MMP3: variants seen among roughly 807,000 people sequenced by gnomAD.
MMP3 encodes matrix metallopeptidase 3.
In MMP3, 46 loss-of-function variants were observed where a neutral mutation model predicts 47.3. The observed-to-expected ratio is 0.97, with a 90% CI of 0.77 to 1.24. The LOEUF is 1.24. MMP3 is among the 50% of genes most tolerant of loss of function. The probability of loss-of-function intolerance (pLI) is 0.00; values close to 1 mark genes in which losing one functional copy is unlikely to be tolerated. For synonymous variants in MMP3, 216 were observed against 206.5 expected, an observed-to-expected ratio of 1.05 and a Z score of -0.39; for missense variants, 558 against 565.5, an observed-to-expected ratio of 0.99 and a Z score of 0.13.
chr11:102,841,700 A>G (rs1555005438), intron 4 of MMP3, among the ~76,000 whole-genome samples: 1 of 147,512 alleles, frequency 6.8e-6, no homozygotes, highest in African/African-American at 2.5e-5. Context: ...TACTAAAATA[A>G]TGCCTCAGCC....
chr11:102,839,790 C>G (rs894832266), intron 6 of MMP3, among the ~76,000 whole-genome samples: 2 of 152,152 alleles, frequency 1.3e-5, no homozygotes, highest in Non-Finnish European at 2.9e-5. Flanking sequence ...AATGTTGATC[C>G]TGATGTCATT....
At position 102,837,468 on chromosome 11, in the gene MMP3, G is replaced by A; in HGVS notation, c.1230-67C>T. ...CATGTTACCGAACATCTTAGATCATGTTAGGTTTAATGTGGAATTTTACTA... is the reference window on the plus strand; with the variant it reads ...CATGTTACCGAACATCTTAGATCATATTAGGTTTAATGTGGAATTTTACTA... On this transcript the variant is annotated intron_variant, in intron 8 of 9. Coordinates refer to ENST00000299855, the MANE Select transcript of MMP3 (RefSeq NM_002422.5). The surrounding 1 kb of genome is among the most constrained non-coding windows in gnomAD (Gnocchi z 4.4). 8.5e-7 allele frequency: 1 copy of A among 1,182,238 alleles called. No individual in the cohort carries two copies. Among genetic ancestry groups the A allele is most frequent in the Admixed American group, 2.0e-5 (1 of 50,338 alleles). The allele number at this position is 1,182,238 out of a possible 1,614,324, so 73.2% of individuals were successfully genotyped here.
chr11:102,842,964 T>C, intron 1 of MMP3, 48 bp from the exon 2 acceptor site: 1 of 1,450,974 alleles, frequency 6.9e-7, no homozygotes, highest in Non-Finnish European at 9.2e-7. Context: ...ATTTTTACTA[T>C]AGCTATCTAT....
intron 1 of MMP3, 52 bp downstream of exon 1, chr11:102,843,390 T>G: frequency 1.5e-6 from 2 of 1,316,368 alleles, no homozygotes; most frequent in Non-Finnish European, 2.2e-6. Flanking sequence ...CAGAATGGTT[T>G]CAGCTTACTC....
chr11:102,838,871 A>G (rs1376254397), intron 7 of MMP3, among the ~76,000 whole-genome samples, 161 bp from the exon 8 acceptor site: 1 of 152,196 alleles, frequency 6.6e-6, no homozygotes, highest in Non-Finnish European at 1.5e-5. Context: ...AAATTTGCAG[A>G]CTGAATGAAT....
Position 102,836,561 on chromosome 11 carries a change from T to C in MMP3, c.1334-335A>G, listed in dbSNP as rs1555004596. Reference sequence around the variant, plus strand: ...CACAGCCAGATTCCAGGTTACAGGGTTATTCTGCTTCCGATCAGATAAATT... The same window carrying C: ...CACAGCCAGATTCCAGGTTACAGGGCTATTCTGCTTCCGATCAGATAAATT... On this transcript the variant is annotated intron_variant, in intron 9 of 9. Transcript: ENST00000299855. The surrounding 1 kb of genome is among the most constrained non-coding windows in gnomAD (Gnocchi z 4.6). The C allele has an allele frequency of 2.0e-6, 1 of 493,314 alleles. No homozygotes were observed. Among genetic ancestry groups the C allele is most frequent in the Non-Finnish European group, 4.1e-6 (1 of 241,886 alleles). 30.6% of individuals were successfully genotyped at this position (493,314 alleles called of 1,614,324 possible).
intron 7 of MMP3, 129 bp downstream of exon 7, chr11:102,838,981 G>T: frequency 1.0e-6 from 1 of 993,822 alleles, no homozygotes; most frequent in Non-Finnish European, 1.5e-6. Context: ...TATCAGCCCT[G>T]GTTATTTCTT....
At position 102,842,851 on chromosome 11, in the gene MMP3, A is replaced by G. The variant is rs1555005821; in HGVS notation, c.171T>C (p.Ser57=). ...DVKQFVRRKD[S]GPVVKKIREM... ...CTCGGATTTTTTTAACAACAGGACCACTGTCCTTTCTCCTAACAAACTGTT... is the reference window on the plus strand; with the variant it reads ...CTCGGATTTTTTTAACAACAGGACCGCTGTCCTTTCTCCTAACAAACTGTT... Residue 57 remains serine, a synonymous_variant, in exon 2 of 10, where the codon AGT becomes AGC. Coordinates refer to ENST00000299855, the MANE Select transcript of MMP3 (RefSeq NM_002422.5). 1.2e-6 allele frequency: 2 copies of G among 1,613,568 alleles called. No homozygotes were observed. The highest frequency in any genetic ancestry group is 1.1e-5 in the South Asian group (1 of 91,024).
chr11:102,842,138 G>C lies in MMP3; in HGVS notation c.625+16C>G. 1.3e-6 allele frequency: 2 copies of C among 1,530,488 alleles called. No homozygotes were observed. The highest frequency in any genetic ancestry group is 1.8e-6 in the Non-Finnish European group (2 of 1,140,436). 94.8% of individuals were successfully genotyped at this position (1,530,488 alleles called of 1,614,324 possible). On this transcript the variant is annotated intron_variant, in intron 4 of 9. Coordinates refer to ENST00000299855, the MANE Select transcript of MMP3 (RefSeq NM_002422.5). ...AAAATTAATGCCAAAATCATTCTGA[G>C]AGATGTGTAACTAACCTGTTGTATC...
intron 8 of MMP3, 54 bp downstream of exon 8, chr11:102,838,497 G>A (rs1419354318): frequency 6.4e-7 from 1 of 1,563,582 alleles, no homozygotes; most frequent in African/African-American, 1.4e-5. Context: ...CTTAGTAAAA[G>A]AAACTAATTT....
At chr11:102,840,063 C>T in intron 6 of MMP3, 45 bp downstream of exon 6, 1 of 1,563,036 alleles carries the variant, frequency 6.4e-7, no homozygotes, top group South Asian at 1.2e-5. Flanking sequence ...CCTTTCTAAA[C>T]ATTGTAGATT....
Position 102,837,184 on chromosome 11 carries a change from A to G in MMP3, c.1333+114T>C, listed in dbSNP as rs1858897298. ...ATGTAGGCGAATCAAAATTTTGAGA[A>G]GGGAACTGGCCCTAAGAAACACTTG... On this transcript the variant is annotated intron_variant, in intron 9 of 9. Transcript: ENST00000299855. The surrounding 1 kb of genome is among the most constrained non-coding windows in gnomAD (Gnocchi z 4.4). 1.4e-6 allele frequency: 1 copy of G among 722,340 alleles called. No homozygotes were observed. The allele number at this position is 722,340 out of a possible 1,614,324, so 44.7% of individuals were successfully genotyped here. A position where few individuals can be genotyped will look rare whatever the true frequency, so the allele number is the denominator to read the frequency against.
Position 102,842,296 on chromosome 11 carries a change from T to A in MMP3, c.500-17A>T. The stretch of plus-strand genomic sequence containing the variant: ...CTCCATGTTCTAGTAGGAAAAAAAT[T>A]TATTGGAAAGATATGTAACAAGGAT... On this transcript the variant is annotated splice_polypyrimidine_tract_variant and intron_variant, in intron 3 of 9. Transcript: ENST00000299855. 5 of 1,593,660 alleles carry A rather than the reference T, an allele frequency of 3.1e-6. No homozygotes were observed. The highest frequency in any genetic ancestry group is 4.3e-6 in the Non-Finnish European group (5 of 1,173,496).
Position 102,837,869 on chromosome 11 carries a change from G to A in MMP3, c.1230-468C>T, listed in dbSNP as rs1555004823. 6.6e-6 allele frequency among the ~76,000 whole-genome samples: 1 copy of A among 152,172 alleles called. No homozygotes were observed. The highest frequency in any genetic ancestry group is 1.5e-5 in the Non-Finnish European group (1 of 68,036). On this transcript the variant is annotated intron_variant, in intron 8 of 9. Coordinates refer to ENST00000299855, the MANE Select transcript of MMP3 (RefSeq NM_002422.5). This position sits in a 1 kb window ranked among gnomAD's most constrained non-coding sequence, Gnocchi z 4.4. The stretch of plus-strand genomic sequence containing the variant: ...TAGGATAAGAAGCAAAGCACAGTAA[G>A]TGTGTTTTTAGCCCATTGGCTGGAT...
At chr11:102,839,646 CAA>C (rs1177181040) in intron 6 of MMP3, among the ~76,000 whole-genome samples, 1 of 152,088 alleles carries the variant, frequency 6.6e-6, no homozygotes, top group Non-Finnish European at 1.5e-5. Context: ...GAAGGATGCA[CAA>C]AAAGTCTTGA....
chr11:102,843,281 A>C (rs772895590), intron 1 of MMP3, among the ~76,000 whole-genome samples, 161 bp downstream of exon 1: 18 of 152,138 alleles, frequency 1.2e-4, no homozygotes, highest in Non-Finnish European at 2.5e-4. Flanking sequence ...AAATGGTGTG[A>C]TAATGAGACC....
chr11:102,838,814 G>T (rs1858936609), intron 7 of MMP3, 104 bp from the exon 8 acceptor site: 9 of 1,339,992 alleles, frequency 6.7e-6, no homozygotes, highest in Non-Finnish European at 9.1e-6. Flanking sequence ...TAAAGTAGTA[G>T]CCCAAATTTT....
In MMP3 at chr11:102,842,488, T is replaced by C; in HGVS notation, c.442A>G (p.Thr148Ala). The C allele has an allele frequency of 6.3e-7, 1 of 1,588,976 alleles. No homozygotes were observed. The highest frequency in any genetic ancestry group is 8.6e-7 in the Non-Finnish European group (1 of 1,167,510). ...LKVWEEVTPL[T>A]FSRLYEGEAD... is the part of the protein sequence containing the mutation. ...TCTCCTTCATACAGCCTGGAGAATG[T>C]GAGTGGAGTCACCTCTTCCCAGACT... The change falls in exon 3 of 10, where the codon ACA becomes GCA. Residue 148 changes from threonine to alanine, a missense_variant. Thr to Ala is a moderately conservative substitution (Grantham distance 58). Transcript: ENST00000299855.
intron 2 of MMP3, 46 bp downstream of exon 2, chr11:102,842,626 G>A (rs191894781): frequency 1.2e-6 from 2 of 1,613,208 alleles, no homozygotes; most frequent in African/African-American, 2.7e-5. Context: ...CTATGATATA[G>A]TTTATAAAAT....
Sources: gnomAD v4.1 joint callset for allele counts (sites outside exome capture counted in the v4.1 genomes callset) on GRCh38, gnomAD v4.1.1 for gene constraint, Gnocchi (gnomAD v3.1) non-coding constraint, MANE v1.5 for transcripts, NCBI Gene and HGNC (gene_info 2026-07-23, HGNC 2026-07-21) for gene names.